CALN1: variants seen among roughly 807,000 people sequenced by gnomAD.
CALN1 encodes the protein calneuron 1.
In CALN1, 17 loss-of-function variants were observed where a neutral mutation model predicts 30.6. That is an observed-to-expected ratio of 0.56 (90% CI 0.38 to 0.83). The LOEUF (loss-of-function observed/expected upper bound fraction) is 0.83, where lower values mean the gene tolerates loss of function less well. CALN1 is among the 40% of genes least tolerant of loss of function. The probability of loss-of-function intolerance (pLI) is 0.00; values close to 1 mark genes in which losing one functional copy is unlikely to be tolerated. For missense variants in CALN1, 291 were observed against 354.9 expected, an observed-to-expected ratio of 0.82 and a Z score of 1.45; for synonymous variants, 156 against 131.4, an observed-to-expected ratio of 1.19 and a Z score of -1.28.
intron 1 of CALN1, among the ~76,000 whole-genome samples, chr7:72,434,479 G>A: frequency 6.6e-6 from 1 of 151,832 alleles, no homozygotes; most frequent in East Asian, 1.9e-4. Context: ...CCAAGATCAT[G>A]CCACTGCACT....
intron 3 of CALN1, among the ~76,000 whole-genome samples, chr7:72,164,120 C>T (rs1788341225): frequency 6.6e-6 from 1 of 152,142 alleles, no homozygotes; most frequent in African/African-American, 2.4e-5. Flanking sequence ...GTAATCCCAG[C>T]ACTCAGGGAG....
At chr7:71,827,020 AG>A (rs1788954070) in intron 5 of CALN1, among the ~76,000 whole-genome samples, 1 of 152,138 alleles carries the variant, frequency 6.6e-6, no homozygotes, top group East Asian at 1.9e-4. Flanking sequence ...AGGAAATGCC[AG>A]CCGGATGCAC....
intron 2 of CALN1, among the ~76,000 whole-genome samples, chr7:72,380,988 TAAG>T (rs1192298209): frequency 2.0e-5 from 3 of 151,298 alleles, no homozygotes; most frequent in Non-Finnish European, 2.9e-5. Flanking sequence ...AACAAGAAAA[TAAG>T]GAGAGAGGAA....
At chr7:72,203,977 CTCTTTTT>C (rs1407020377) in intron 3 of CALN1, among the ~76,000 whole-genome samples, 9 of 92,268 alleles carry the variant, frequency 9.8e-5, no homozygotes, top group African/African-American at 4.9e-4. Context: ...AGAGGCCTCT[CTCTTTTT>C]TTTTTTTTTT....
At chr7:71,963,477 G>C (rs1014593747) in intron 5 of CALN1, among the ~76,000 whole-genome samples, 1 of 151,114 alleles carries the variant, frequency 6.6e-6, no homozygotes, top group Non-Finnish European at 1.5e-5. Flanking sequence ...GCTCATGTTT[G>C]TATTTTTAGT....
At chr7:72,167,235 C>A (rs1401618826) in intron 3 of CALN1, among the ~76,000 whole-genome samples, 1 of 152,196 alleles carries the variant, frequency 6.6e-6, no homozygotes, top group African/African-American at 2.4e-5. Flanking sequence ...TACCAGTAGG[C>A]ATGTTGGGTC....
chr7:72,269,740 A>G (rs1400738524), intron 3 of CALN1, among the ~76,000 whole-genome samples: 1 of 152,176 alleles, frequency 6.6e-6, no homozygotes, highest in African/African-American at 2.4e-5. Flanking sequence ...GATAACACAT[A>G]ATCACTCTAA....
intron 5 of CALN1, among the ~76,000 whole-genome samples, chr7:71,985,097 G>A (rs1297085036): frequency 6.6e-6 from 1 of 151,974 alleles, no homozygotes; most frequent in Non-Finnish European, 1.5e-5. Flanking sequence ...AGAAGAAAAA[G>A]ACACACCACC....
At chr7:72,312,874 G>A (rs537472361) in intron 2 of CALN1, among the ~76,000 whole-genome samples, 2 of 151,020 alleles carry the variant, frequency 1.3e-5, no homozygotes, top group African/African-American at 2.4e-5. Flanking sequence ...TCATTCTGTC[G>A]CCCAGACTGG....
At chr7:72,084,547 G>A (rs1285180299) in intron 4 of CALN1, among the ~76,000 whole-genome samples, 1 of 151,878 alleles carries the variant, frequency 6.6e-6, no homozygotes, top group Non-Finnish European at 1.5e-5. Context: ...TTTTAGTAGA[G>A]ATGGGGTTTC....
chr7:72,319,454 T>A (rs1405715149), intron 2 of CALN1, among the ~76,000 whole-genome samples: 1 of 152,140 alleles, frequency 6.6e-6, no homozygotes, highest in East Asian at 1.9e-4. Flanking sequence ...AAGATTCAAT[T>A]ACCCCATGAT....
intron 5 of CALN1, among the ~76,000 whole-genome samples, chr7:71,881,909 C>CAA (rs112654398): frequency 5.8e-4 from 80 of 139,038 alleles, no homozygotes; most frequent in African/African-American, 1.2e-3. Context: ...CCTATATTTA[C>CAA]AAAAAAAAAA....
At chr7:71,958,093 A>G (rs938471235) in intron 5 of CALN1, among the ~76,000 whole-genome samples, 5 of 149,192 alleles carry the variant, frequency 3.4e-5, no homozygotes, top group African/African-American at 1.2e-4. Flanking sequence ...AGAAAGAAAG[A>G]AAAAAAAAGA....
rs190201854 is a variant in CALN1 at position 72,193,948 on chromosome 7, G to A, written c.244+84738C>T. Among the ~76,000 whole-genome samples the A allele has an allele frequency of 3.7e-3, 559 of 152,106 alleles. 6 individuals carry two copies. Among genetic ancestry groups the A allele is most frequent in the African/African-American group, 0.011 (436 of 41,504 alleles). ...CATAAGAATAATACAATAAACTGAGGACTTGGGGGAAAGGGTGGGAGGGGG... is the reference window on the plus strand; with the variant it reads ...CATAAGAATAATACAATAAACTGAGAACTTGGGGGAAAGGGTGGGAGGGGG... On this transcript the variant is annotated intron_variant, in intron 3 of 6. Transcript: ENST00000395275.
intron 3 of CALN1, among the ~76,000 whole-genome samples, chr7:72,156,365 G>A (rs994457567): frequency 2.0e-5 from 3 of 152,174 alleles, no homozygotes; most frequent in Non-Finnish European, 4.4e-5. Flanking sequence ...ATGCTGTGAA[G>A]AGCCCCCTGT....
chr7:71,988,290 T>C (rs572479020), intron 5 of CALN1, among the ~76,000 whole-genome samples: 1 of 152,322 alleles, frequency 6.6e-6, no homozygotes, highest in South Asian at 2.1e-4. Flanking sequence ...CTTCCACAGC[T>C]TGTAAGGGGC....
chr7:72,285,744 A>G (rs1798041187), intron 2 of CALN1, among the ~76,000 whole-genome samples: 1 of 152,214 alleles, frequency 6.6e-6, no homozygotes, highest in African/African-American at 2.4e-5. Flanking sequence ...AAACTTTTTC[A>G]AAGAGCTTAA....
chr7:72,089,403 C>T (rs1475311648), intron 4 of CALN1, among the ~76,000 whole-genome samples: 1 of 151,988 alleles, frequency 6.6e-6, no homozygotes, highest in African/African-American at 2.4e-5. Flanking sequence ...ACAGGAGAAC[C>T]CCCACAAAAC....
intron 5 of CALN1, among the ~76,000 whole-genome samples, chr7:71,910,953 C>G (rs970748149): frequency 6.6e-6 from 1 of 152,134 alleles, no homozygotes; most frequent in Non-Finnish European, 1.5e-5. Context: ...AAGCAATTTG[C>G]TAGGTGCTCT....
Sources: allele counts gnomAD v4.1 joint callset (sites outside exome capture counted in the v4.1 genomes callset), GRCh38; gene constraint gnomAD v4.1.1; transcripts MANE v1.5; gene names NCBI Gene and HGNC (gene_info 2026-07-23, HGNC 2026-07-21).